Variants in HDAC9 observed in about 807,000 individuals in gnomAD.
The protein encoded by HDAC9 is histone deacetylase 9.
Under a neutral mutation model 139.4 loss-of-function variants are expected in HDAC9, and 41 were observed. The observed-to-expected ratio is 0.29, with a 90% CI of 0.23 to 0.38. The LOEUF (loss-of-function observed/expected upper bound fraction) is 0.38. HDAC9 is among the 10% of genes least tolerant of loss of function. The probability of loss-of-function intolerance (pLI) is 1.00; values close to 1 mark genes in which losing one functional copy is unlikely to be tolerated. For synonymous variants in HDAC9, 517 were observed against 476.2 expected (o/e 1.09, Z -1.12); for missense variants, 1,147 against 1,297.0 (o/e 0.88, Z 1.78).
chr7:18,745,912 T>G (rs936964956), intron 13 of HDAC9, among the ~76,000 whole-genome samples: 3 of 130,956 alleles, frequency 2.3e-5, no homozygotes, highest in Non-Finnish European at 4.7e-5. Context: ...TTTTTGCCCA[T>G]GCAAGTTCTC....
In HDAC9 at chr7:18,585,532, G is replaced by A. The variant is rs770843645; in HGVS notation, c.264+10G>A. 6.2e-7 allele frequency: 1 copy of A among 1,612,484 alleles called. No individual in the cohort carries two copies. The highest frequency in any genetic ancestry group is 1.1e-5 in the South Asian group (1 of 91,028). ...TCAGGAGCATATCAAGGTAGCAAATGCTTCTTTGTCTGTGACCTTACTCAG... is the reference window on the plus strand; with the variant it reads ...TCAGGAGCATATCAAGGTAGCAAATACTTCTTTGTCTGTGACCTTACTCAG... On this transcript the variant is annotated intron_variant, in intron 3 of 25. Coordinates refer to ENST00000686413, the MANE Select transcript of HDAC9 (RefSeq NM_178425.4).
At chr7:18,618,226 C>A (rs1839204867) in intron 6 of HDAC9, among the ~76,000 whole-genome samples, 1 of 152,080 alleles carries the variant, frequency 6.6e-6, no homozygotes. Context: ...CTTCTGAACT[C>A]TTTAAGGTCA....
chr7:18,613,690 AAGT>A (rs1177920641), intron 6 of HDAC9, among the ~76,000 whole-genome samples: 2 of 152,158 alleles, frequency 1.3e-5, no homozygotes, highest in South Asian at 4.1e-4. Context: ...ATTTATTCTA[AAGT>A]AGTTATTATG....
intron 25 of HDAC9, among the ~76,000 whole-genome samples, chr7:18,986,571 T>A (rs1314318525): frequency 1.4e-5 from 2 of 140,574 alleles, no homozygotes; most frequent in Admixed American, 1.5e-4. Flanking sequence ...TTTGGTTCCA[T>A]ATGAACTTTA....
intron 1 of HDAC9, among the ~76,000 whole-genome samples, chr7:18,104,639 T>C (rs1463003617): frequency 6.6e-6 from 1 of 152,140 alleles, no homozygotes; most frequent in Non-Finnish European, 1.5e-5. Context: ...CTTTTGGAAA[T>C]GATCATCCCA....
intron 12 of HDAC9, among the ~76,000 whole-genome samples, chr7:18,698,193 C>T (rs1319260857): frequency 6.6e-6 from 1 of 152,132 alleles, no homozygotes; most frequent in African/African-American, 2.4e-5. Context: ...CTACTTTTCT[C>T]CCCCTACACC....
intron 22 of HDAC9, among the ~76,000 whole-genome samples, chr7:18,887,120 C>A (rs1454910490): frequency 6.6e-6 from 1 of 152,070 alleles, no homozygotes; most frequent in African/African-American, 2.4e-5. Context: ...CGTGCAGCTT[C>A]CCTCTATAGG....
intron 2 of HDAC9, among the ~76,000 whole-genome samples, chr7:18,531,174 T>G (rs1012240071): frequency 2.0e-5 from 3 of 152,136 alleles, no homozygotes; most frequent in Non-Finnish European, 2.9e-5. Flanking sequence ...CATTCATTTA[T>G]TATAATAATT....
intron 17 of HDAC9, among the ~76,000 whole-genome samples, chr7:18,802,693 G>C (rs969084360): frequency 6.6e-6 from 1 of 151,360 alleles, no homozygotes; most frequent in Non-Finnish European, 1.5e-5. Context: ...CTGTTATTAG[G>C]TACAGTAAAA....
intron 22 of HDAC9, among the ~76,000 whole-genome samples, chr7:18,895,595 G>A (rs1226234107): frequency 6.6e-6 from 1 of 152,060 alleles, no homozygotes; most frequent in Non-Finnish European, 1.5e-5. Context: ...TTCTTATTAG[G>A]TGAGTGTACT....
chr7:18,859,811 CATATAT>C (rs56249427), intron 21 of HDAC9, among the ~76,000 whole-genome samples: 3,388 of 44,696 alleles, frequency 0.076, 124 homozygotes, highest in Non-Finnish European at 0.096. Flanking sequence ...CTAACGCTCT[CATATAT>C]ATATATATAT....
At chr7:18,651,521 T>C (rs1789255461) in intron 11 of HDAC9, among the ~76,000 whole-genome samples, 1 of 152,152 alleles carries the variant, frequency 6.6e-6, no homozygotes, top group Non-Finnish European at 1.5e-5. Flanking sequence ...GGTATAAAAT[T>C]TGTAGTAATG....
At chr7:18,431,574 G>T (rs1421872568) in intron 1 of HDAC9, among the ~76,000 whole-genome samples, 2 of 152,154 alleles carry the variant, frequency 1.3e-5, no homozygotes, top group Admixed American at 1.3e-4. Context: ...AGCCAAATAA[G>T]ATAGCTGTAA....
chr7:18,719,637 A>C (rs141029387), intron 12 of HDAC9, among the ~76,000 whole-genome samples: 28 of 152,090 alleles, frequency 1.8e-4, no homozygotes, highest in Non-Finnish European at 2.6e-4. Context: ...ACCTTGCCTG[A>C]CTTAAGTAAC....
chr7:18,648,545 G>A lies in HDAC9; in HGVS notation c.1329G>A (p.Leu443=), dbSNP rs1198392653. Residue 443 remains leucine (L), a synonymous_variant, in exon 11 of 26, where the codon TTG becomes TTA. Transcript: ENST00000686413. ...CTGGCATTAGAGGTACCCACAAATT[G>A]CCCCGTCACAGACCCCTGAACCGAA... is the stretch of plus-strand genomic sequence containing the variant. The part of the protein sequence containing the change: ...ISPGIRGTHK[L]PRHRPLNRTQ... The A allele has an allele frequency of 9.3e-6, 15 of 1,613,380 alleles. No individual in the cohort carries two copies. Among genetic ancestry groups the A allele is most frequent in the Non-Finnish European group, 1.3e-5 (15 of 1,179,726 alleles).
At chr7:18,772,825 T>G (rs1419677810) in intron 16 of HDAC9, among the ~76,000 whole-genome samples, 1 of 152,096 alleles carries the variant, frequency 6.6e-6, no homozygotes, top group Non-Finnish European at 1.5e-5. Flanking sequence ...GCAAATTCTG[T>G]AAAAAGATTA....
intron 1 of HDAC9, among the ~76,000 whole-genome samples, chr7:18,457,510 A>G (rs1282588073): frequency 6.6e-6 from 1 of 152,204 alleles, no homozygotes; most frequent in East Asian, 1.9e-4. Context: ...AAATAATCTA[A>G]TTATTCATAA....
At chr7:18,191,567 T>C (rs1790353333) in intron 2 of HDAC9, among the ~76,000 whole-genome samples, 1 of 152,218 alleles carries the variant, frequency 6.6e-6, no homozygotes, top group African/African-American at 2.4e-5. Flanking sequence ...CACAGACAGC[T>C]AGTGACTGAA....
At chr7:18,725,597 A>G (rs1785482079) in intron 12 of HDAC9, among the ~76,000 whole-genome samples, 1 of 152,168 alleles carries the variant, frequency 6.6e-6, no homozygotes, top group African/African-American at 2.4e-5. Flanking sequence ...GCTTTTTGCC[A>G]TGTCTTACAT....
Sources: gnomAD v4.1 joint callset for allele counts (sites outside exome capture counted in the v4.1 genomes callset) on GRCh38, gnomAD v4.1.1 for gene constraint, MANE v1.5 for transcripts, NCBI Gene and HGNC (gene_info 2026-07-23, HGNC 2026-07-21) for gene names.